Variants in GRID2 observed in about 807,000 individuals in gnomAD.
GRID2 encodes the protein glutamate ionotropic receptor delta type subunit 2, also known as glutamate receptor ionotropic, delta-2.
A neutral mutation model predicts 114.8 loss-of-function variants in GRID2; 33 were observed. That is an observed-to-expected ratio of 0.29 (90% CI 0.22 to 0.38). The LOEUF is 0.38. Among genes scored for constraint, GRID2 ranks in the 10% least tolerant of loss-of-function variants. The pLI is 1.00. For missense variants in GRID2, 1,184 were observed against 1,257.7 expected (o/e 0.94, Z 0.89); for synonymous variants, 505 against 449.9 (o/e 1.12, Z -1.55).
In GRID2 at chr4:92,817,017, C is replaced by G. The variant is rs367759568; in HGVS notation, c.244+226731C>G. Among the ~76,000 whole-genome samples the G allele has an allele frequency of 7.2e-5, 11 of 151,994 alleles. No homozygotes were observed. In the East Asian group the frequency reaches 1.9e-3, roughly 27 times the overall value. The stretch of plus-strand genomic sequence containing the variant: ...TTAAAATCTAGTCCCATGTTTTAAC[C>G]ATCTTGGATGGTTAAAACCTTCAAT... On this transcript the variant is annotated intron_variant, in intron 2 of 15. Transcript: ENST00000282020.
intron 2 of GRID2, among the ~76,000 whole-genome samples, chr4:92,908,887 T>C (rs1470853697): frequency 6.6e-6 from 1 of 152,314 alleles, no homozygotes; most frequent in Non-Finnish European, 1.5e-5. Flanking sequence ...GCTGTCCTTA[T>C]ATCTTCATCA....
intron 4 of GRID2, among the ~76,000 whole-genome samples, chr4:93,144,972 C>CT (rs75493667): frequency 0.077 from 11,682 of 152,148 alleles, 486 homozygotes; most frequent in East Asian, 0.18. Flanking sequence ...AACCATCTAC[C>CT]TTTACCTTTA....
chr4:93,620,031 G>C (rs554593469), intron 13 of GRID2, among the ~76,000 whole-genome samples: 40 of 152,134 alleles, frequency 2.6e-4, no homozygotes, highest in Admixed American at 9.2e-4. Context: ...CAAATCTACC[G>C]CAAATCATTG....
At chr4:93,065,699 C>T (rs890607769) in intron 2 of GRID2, among the ~76,000 whole-genome samples, 1 of 151,824 alleles carries the variant, frequency 6.6e-6, no homozygotes, top group South Asian at 2.1e-4. Flanking sequence ...GCACCAAACA[C>T]GGGTTTGCAT....
At chr4:92,930,846 A>G (rs576597399) in intron 2 of GRID2, among the ~76,000 whole-genome samples, 2 of 151,160 alleles carry the variant, frequency 1.3e-5, no homozygotes, top group East Asian at 1.9e-4. Context: ...TTGAATATCT[A>G]TATTCTATTA....
At chr4:93,290,562 A>T (rs1007203359) in intron 8 of GRID2, among the ~76,000 whole-genome samples, 2 of 152,062 alleles carry the variant, frequency 1.3e-5, no homozygotes, top group Non-Finnish European at 2.9e-5. Flanking sequence ...CTTTAGTAAG[A>T]GTCATCTATG....
rs757620916 is a variant in GRID2 at position 93,455,668 on chromosome 4, G to A, written c.1552G>A (p.Asp518Asn). The A allele has an allele frequency of 2.5e-6, 4 of 1,606,650 alleles. No homozygotes were observed. The highest frequency in any genetic ancestry group is 2.6e-6 in the Non-Finnish European group (3 of 1,173,562). ...LVGELVFKRADIGISALTITP... is the reference protein window; with the variant it reads ...LVGELVFKRANIGISALTITP... ...TTCTCTTTCAATTTCTCAGAGAGCCGACATAGGGATTTCTGCTTTAACCAT... is the reference window on the plus strand; with the variant it reads ...TTCTCTTTCAATTTCTCAGAGAGCCAACATAGGGATTTCTGCTTTAACCAT... The change falls in exon 11 of 16, where the codon GAC becomes AAC. Residue 518 changes from aspartate to asparagine, a missense_variant. This residue lies in a region of GRID2 where 717 missense variants were observed against 796.9 expected (regional missense o/e 0.90). Transcript: ENST00000282020.
At chr4:92,701,483 A>G (rs1463530494) in intron 2 of GRID2, among the ~76,000 whole-genome samples, 1 of 152,192 alleles carries the variant, frequency 6.6e-6, no homozygotes, top group Non-Finnish European at 1.5e-5. Context: ...ATGGTTAGAA[A>G]TGAATTATAG....
intron 1 of GRID2, among the ~76,000 whole-genome samples, chr4:92,516,971 A>T (rs941867842): frequency 6.6e-6 from 1 of 152,120 alleles, no homozygotes; most frequent in South Asian, 2.1e-4. Flanking sequence ...ACTAATAAGC[A>T]CCATTAACAA....
chr4:93,073,234 A>G (rs1214922396), intron 2 of GRID2, among the ~76,000 whole-genome samples: 2 of 152,290 alleles, frequency 1.3e-5, no homozygotes, highest in East Asian at 3.9e-4. Flanking sequence ...GAAATGTTTA[A>G]TTGCTTGATG....
intron 2 of GRID2, among the ~76,000 whole-genome samples, chr4:92,690,751 A>G (rs890516242): frequency 6.6e-6 from 1 of 152,178 alleles, no homozygotes; most frequent in African/African-American, 2.4e-5. Context: ...GAGAAATTCA[A>G]TAAAAATGAA....
intron 2 of GRID2, among the ~76,000 whole-genome samples, chr4:92,627,007 C>T (rs1253396887): frequency 6.6e-6 from 1 of 152,018 alleles, no homozygotes; most frequent in African/African-American, 2.4e-5. Flanking sequence ...AATATAATAA[C>T]TAAGGTAAAA....
chr4:93,367,411 AC>A (rs2149285193), intron 8 of GRID2, among the ~76,000 whole-genome samples: 1 of 152,250 alleles, frequency 6.6e-6, no homozygotes, highest in South Asian at 2.1e-4. Flanking sequence ...AATGTTTTAA[AC>A]AAAAATGACT....
intron 2 of GRID2, among the ~76,000 whole-genome samples, chr4:92,927,118 G>T (rs1203491129): frequency 6.6e-6 from 1 of 151,824 alleles, no homozygotes; most frequent in African/African-American, 2.4e-5. Context: ...TATGAACTTG[G>T]AGATAAACCA....
intron 14 of GRID2, among the ~76,000 whole-genome samples, chr4:93,681,710 G>A (rs1271042040): frequency 1.3e-5 from 2 of 152,166 alleles, no homozygotes; most frequent in Non-Finnish European, 2.9e-5. Flanking sequence ...GTGGTGCTGG[G>A]AAAACTGGCT....
chr4:93,735,828 G>A (rs1730878706), intron 14 of GRID2, among the ~76,000 whole-genome samples: 1 of 151,970 alleles, frequency 6.6e-6, no homozygotes, highest in South Asian at 2.1e-4. Flanking sequence ...TTGAGAAGCA[G>A]GAAATTTTTC....
intron 14 of GRID2, among the ~76,000 whole-genome samples, chr4:93,661,972 T>A (rs114361710): frequency 0.023 from 3,569 of 152,230 alleles, 150 homozygotes; most frequent in African/African-American, 0.081. Flanking sequence ...CTCCCCGCCT[T>A]GCCAGCTCTT....
intron 8 of GRID2, among the ~76,000 whole-genome samples, chr4:93,352,874 G>T (rs1760939551): frequency 6.6e-6 from 1 of 151,986 alleles, no homozygotes; most frequent in African/African-American, 2.4e-5. Context: ...CCTAATTTCA[G>T]TCTTGCCTCC....
intron 2 of GRID2, among the ~76,000 whole-genome samples, chr4:92,690,188 C>T (rs1734108386): frequency 1.3e-5 from 2 of 150,498 alleles, no homozygotes; most frequent in Admixed American, 6.6e-5. Flanking sequence ...TTCTAGCTTT[C>T]AACTGAAAGT....
Sources: allele counts gnomAD v4.1 joint callset (sites outside exome capture counted in the v4.1 genomes callset), GRCh38; gene constraint gnomAD v4.1.1; regional missense constraint gnomAD v4.1.1; transcripts MANE v1.5; gene names NCBI Gene and HGNC (gene_info 2026-07-23, HGNC 2026-07-21).